CBFA2T2: variants seen among roughly 807,000 people sequenced by gnomAD.
CBFA2T2 encodes protein CBFA2T2.
Under a neutral mutation model 62.2 loss-of-function variants are expected in CBFA2T2, and 11 were observed. That is an observed-to-expected ratio of 0.18 (90% CI 0.11 to 0.29). The LOEUF (loss-of-function observed/expected upper bound fraction) is 0.29, where lower values mean the gene tolerates loss of function less well. Ranked by LOEUF, CBFA2T2 falls within the 10% of genes least tolerant of loss-of-function variation. CBFA2T2 has a pLI of 1.00. For missense variants in CBFA2T2, 592 were observed against 774.1 expected, an observed-to-expected ratio of 0.76 and a Z score of 2.79; for synonymous variants, 295 against 287.5, an observed-to-expected ratio of 1.03 and a Z score of -0.27.
At chr20:33,500,840 G>A (rs188187074) in intron 1 of CBFA2T2, among the ~76,000 whole-genome samples, 65 of 152,206 alleles carry the variant, frequency 4.3e-4, no homozygotes, top group Non-Finnish European at 8.1e-4. Context: ...AAATAAAAAG[G>A]CAACAGAAAC....
At chr20:33,536,164 C>G (rs1029265244) in intron 1 of CBFA2T2, among the ~76,000 whole-genome samples, 12 of 152,376 alleles carry the variant, frequency 7.9e-5, no homozygotes, top group Non-Finnish European at 1.6e-4. Context: ...CATCCCGGCC[C>G]ATTCTCAATG....
At chr20:33,585,062 T>C (rs1209053448) in intron 1 of CBFA2T2, among the ~76,000 whole-genome samples, 1 of 152,050 alleles carries the variant, frequency 6.6e-6, no homozygotes, top group Admixed American at 6.6e-5. Context: ...GCTTGCAGGG[T>C]ATTTTAAATA....
intron 1 of CBFA2T2, among the ~76,000 whole-genome samples, chr20:33,549,464 G>T (rs1305167504): frequency 6.6e-6 from 1 of 152,122 alleles, no homozygotes; most frequent in Non-Finnish European, 1.5e-5. Context: ...ACAGCATGAA[G>T]CTCAGAAATA....
chr20:33,630,232 G>A (rs2016399712), intron 8 of CBFA2T2, among the ~76,000 whole-genome samples: 2 of 152,136 alleles, frequency 1.3e-5, no homozygotes, highest in African/African-American at 4.8e-5. Context: ...ACAGGCCTGA[G>A]CCACTGTGCC....
intron 1 of CBFA2T2, among the ~76,000 whole-genome samples, chr20:33,571,344 T>C (rs1166858563): frequency 6.6e-6 from 1 of 152,232 alleles, no homozygotes; most frequent in Admixed American, 6.5e-5. Flanking sequence ...CAATAGATAC[T>C]CTTAATTGAA....
In CBFA2T2 at chr20:33,596,176, A is replaced by C. The variant is rs1486025871; in HGVS notation, c.35-10780A>C. Among the ~76,000 whole-genome samples, 3 of 152,208 alleles carry C rather than the reference A, an allele frequency of 2.0e-5. No homozygotes were observed. The East Asian group carries it at 5.8e-4, about 29-fold the overall frequency. On this transcript the variant is annotated intron_variant, in intron 1 of 10. Coordinates refer to ENST00000342704, the MANE Select transcript of CBFA2T2 (RefSeq NM_001032999.3). ...CTAAGAGATGGTCTTAAATTGAGGG[A>C]GTAATGAAAATTTTATATTAACTCT...
intron 6 of CBFA2T2, among the ~76,000 whole-genome samples, chr20:33,625,875 G>T (rs897854551): frequency 6.6e-6 from 1 of 152,108 alleles, no homozygotes; most frequent in African/African-American, 2.4e-5. Context: ...GGCTGAGGTG[G>T]GTGGATCATG....
intron 1 of CBFA2T2, among the ~76,000 whole-genome samples, chr20:33,505,769 G>A (rs556696854): frequency 6.6e-5 from 10 of 151,342 alleles, no homozygotes; most frequent in African/African-American, 1.9e-4. Context: ...CAACAAGAGC[G>A]AAACTCTTGT....
Position 33,609,649 on chromosome 20 carries a change from A to G in CBFA2T2, c.179-1445A>G, listed in dbSNP as rs930190296. ...ATGATACCTGAACCGTATGGGATGA[A>G]GAAGAGCTTGCCAGGTCAAATTTGA... On this transcript the variant is annotated intron_variant, in intron 2 of 10. Transcript: ENST00000342704. Among the ~76,000 whole-genome samples the G allele has an allele frequency of 4.2e-4, 64 of 152,354 alleles. 2 individuals carry two copies. The highest frequency in any genetic ancestry group is 1.0e-4 in the Non-Finnish European group (7 of 68,032).
chr20:33,632,879 C>T (rs909219896), intron 8 of CBFA2T2, among the ~76,000 whole-genome samples: 1 of 152,140 alleles, frequency 6.6e-6, no homozygotes, highest in African/African-American at 2.4e-5. Flanking sequence ...CTGCCTTAGC[C>T]TCCCAAGTAG....
chr20:33,509,015 CT>C (rs1188651350), intron 1 of CBFA2T2, among the ~76,000 whole-genome samples: 1 of 152,174 alleles, frequency 6.6e-6, no homozygotes, highest in Non-Finnish European at 1.5e-5. Flanking sequence ...TGTGAACCCT[CT>C]TCACAGTTAG....
chr20:33,517,720 C>T (rs2011627445), intron 1 of CBFA2T2, among the ~76,000 whole-genome samples: 1 of 146,062 alleles, frequency 6.8e-6, no homozygotes, highest in Non-Finnish European at 1.5e-5. Context: ...CGGAGACTTG[C>T]TTGCAACCTC....
intron 1 of CBFA2T2, among the ~76,000 whole-genome samples, chr20:33,583,592 A>G (rs1568833565): frequency 2.0e-5 from 3 of 152,234 alleles, no homozygotes; most frequent in African/African-American, 7.2e-5. Flanking sequence ...ATAATTACAT[A>G]TAATTGAAAA....
intron 3 of CBFA2T2, among the ~76,000 whole-genome samples, chr20:33,618,711 G>A (rs934273000): frequency 6.6e-6 from 1 of 152,148 alleles, no homozygotes; most frequent in Non-Finnish European, 1.5e-5. Context: ...GTAGGGGGCA[G>A]AACTTGGAAA....
At chr20:33,584,593 C>T (rs1367880989) in intron 1 of CBFA2T2, among the ~76,000 whole-genome samples, 1 of 152,204 alleles carries the variant, frequency 6.6e-6, no homozygotes, top group African/African-American at 2.4e-5. Flanking sequence ...ATTTTTCCCT[C>T]AGCCCATCAG....
At chr20:33,550,685 C>T (rs929322395) in intron 1 of CBFA2T2, among the ~76,000 whole-genome samples, 2 of 151,272 alleles carry the variant, frequency 1.3e-5, no homozygotes, top group East Asian at 1.9e-4. Context: ...TGAAGTGGTG[C>T]GCTGTTAGCT....
Position 33,644,659 on chromosome 20 carries a change from GCTT to G in CBFA2T2, c.*14_*16del. 6.3e-7 allele frequency: 1 copy of G among 1,584,920 alleles called. No homozygotes were observed. Among genetic ancestry groups the G allele is most frequent in the Non-Finnish European group, 8.6e-7 (1 of 1,160,650 alleles). On this transcript the variant is annotated 3_prime_UTR_variant, in exon 11 of 11. Coordinates refer to ENST00000342704, the MANE Select transcript of CBFA2T2 (RefSeq NM_001032999.3). ...CAACGGACTCTGAGCCCCGGACTCT[GCTT>G]ACCCTGATGGCTGCTCAGCACCACA...
intron 5 of CBFA2T2, among the ~76,000 whole-genome samples, chr20:33,623,559 ATGTTTGTTTGTT>A (rs72452489): frequency 2.9e-3 from 436 of 148,876 alleles, no homozygotes; most frequent in African/African-American, 9.8e-3. Context: ...TGACCAGCTA[ATGTTTGTTTGTT>A]TGTTTGTTTG....
rs2016382827 is a variant in CBFA2T2 at position 33,629,778 on chromosome 20, G to A, written c.1092G>A (p.Arg364=). The A allele has an allele frequency of 6.2e-7, 1 of 1,614,172 alleles. No homozygotes were observed. The highest frequency in any genetic ancestry group is 1.1e-5 in the South Asian group (1 of 91,084). The stretch of plus-strand genomic sequence containing the variant: ...CAAGGCGCTCTATGGCAGTTCTGCG[G>A]CGCTGTCAGGAATCAGATCGTGAAG... ...EKTRRSMAVL[R]RCQESDREEL... is the part of the protein sequence containing the mutation. Residue 364 remains arginine, a synonymous_variant, in exon 8 of 11, where the codon CGG becomes CGA. Transcript: ENST00000342704.
Sources: gnomAD v4.1 joint callset for allele counts (sites outside exome capture counted in the v4.1 genomes callset) on GRCh38, gnomAD v4.1.1 for gene constraint, MANE v1.5 for transcripts, NCBI Gene and HGNC (gene_info 2026-07-23, HGNC 2026-07-21) for gene names.